Variants in IPPK observed in about 807,000 individuals in gnomAD.
IPPK encodes IPK1 homolog.
IPPK carries 22 observed loss-of-function variants against 64.6 expected under a neutral mutation model. That is an observed-to-expected ratio of 0.34 (90% confidence interval 0.24 to 0.49). The LOEUF (loss-of-function observed/expected upper bound fraction) is 0.49. IPPK is among the 20% of genes least tolerant of loss of function. The pLI, the probability that IPPK is intolerant of heterozygous loss-of-function variation, is 0.99. For synonymous variants in IPPK, 262 were observed against 247.2 expected, an observed-to-expected ratio of 1.06 and a Z score of -0.56; for missense variants, 532 against 630.7, an observed-to-expected ratio of 0.84 and a Z score of 1.68.
At chr9:92,652,138 A>C (rs1408730273) in intron 4 of IPPK, among the ~76,000 whole-genome samples, 1 of 152,074 alleles carries the variant, frequency 6.6e-6, no homozygotes, top group African/African-American at 2.4e-5. Flanking sequence ...CCTGATAATG[A>C]AGTTTCTGGC....
chr9:92,635,051 A>G lies in IPPK; in HGVS notation c.1067+107T>C. The G allele has an allele frequency of 8.8e-7, 1 of 1,135,028 alleles. No homozygotes were observed. The highest frequency in any genetic ancestry group is 1.7e-5 in the South Asian group (1 of 59,458). 70.3% of individuals were successfully genotyped at this position (1,135,028 alleles called of 1,614,324 possible). A position where few individuals can be genotyped will look rare whatever the true frequency, so the allele number is the denominator to read the frequency against. On this transcript the variant is annotated intron_variant, in intron 10 of 12. Coordinates refer to ENST00000287996, the MANE Select transcript of IPPK (RefSeq NM_022755.6). This position sits in a 1 kb window ranked among gnomAD's most constrained non-coding sequence, Gnocchi z 4.4. ...AGGACTGGGGTAGGAAGTGGCCGGC[A>G]TGCTTCATCCTCCTGGGAAGCTGTG...
intron 3 of IPPK, among the ~76,000 whole-genome samples, chr9:92,653,391 C>T (rs1852306366): frequency 6.6e-6 from 1 of 152,138 alleles, no homozygotes; most frequent in Admixed American, 6.5e-5. Context: ...CCATGCCCCT[C>T]CACCACCACC....
chr9:92,660,568 G>T (rs191802845), intron 1 of IPPK, among the ~76,000 whole-genome samples: 1 of 152,352 alleles, frequency 6.6e-6, no homozygotes, highest in East Asian at 1.9e-4. Context: ...TGATCAGGGT[G>T]ATGCCAGGCC....
chr9:92,637,488 G>A (rs909728756), intron 9 of IPPK, among the ~76,000 whole-genome samples: 3 of 152,164 alleles, frequency 2.0e-5, no homozygotes, highest in Non-Finnish European at 4.4e-5. Flanking sequence ...CAGGACATGT[G>A]GCAGCGGCCA....
chr9:92,627,395 C>T (rs541842155), intron 11 of IPPK, among the ~76,000 whole-genome samples: 1 of 152,254 alleles, frequency 6.6e-6, no homozygotes, highest in South Asian at 2.1e-4. Flanking sequence ...AAAACAAAGA[C>T]ATCACAAGAA....
rs552561636 is a variant in IPPK at position 92,622,651 on chromosome 9, CA to C, written c.1171-3087del. On this transcript the variant is annotated intron_variant, in intron 11 of 12. Coordinates refer to ENST00000287996, the MANE Select transcript of IPPK (RefSeq NM_022755.6). ...GTTTAAATGTCCATGTTGGAAGACT[CA>C]GTATTGTATAGATTTCAACACTCAT... Among the ~76,000 whole-genome samples the C allele has an allele frequency of 1.1e-3, 168 of 152,078 alleles. 2 individuals are homozygous for C. The highest frequency in any genetic ancestry group is 3.9e-3 in the African/African-American group (160 of 41,512).
chr9:92,650,840 A>T (rs1262941349), intron 4 of IPPK, among the ~76,000 whole-genome samples: 1 of 152,006 alleles, frequency 6.6e-6, no homozygotes, highest in Non-Finnish European at 1.5e-5. Context: ...CCAGTGCACC[A>T]ATATTTCCCC....
chr9:92,616,282 C>T (rs1851431500), intron 12 of IPPK: 3 of 485,230 alleles, frequency 6.2e-6, no homozygotes. Context: ...CGTGTGACAG[C>T]TGTCTGTGCC....
intron 9 of IPPK, 42 bp downstream of exon 9, chr9:92,637,942 TGCAGAGTCCCAAGGCCC>T (rs1851973835): frequency 2.1e-6 from 3 of 1,444,152 alleles, no homozygotes; most frequent in Middle Eastern, 2.5e-4. Flanking sequence ...CCATGGGGAC[TGCAGAGTCCCAAGGCCC>T]CTGCGGCCCC....
chr9:92,640,915 G>A (rs1188202485), intron 7 of IPPK, 133 bp from the exon 8 acceptor site: 1 of 696,758 alleles, frequency 1.4e-6, no homozygotes, highest in Admixed American at 2.0e-5. Context: ...GTCCAACTAG[G>A]TCCAAACAGT....
chr9:92,615,582 G>A lies in IPPK; in HGVS notation c.*250C>T, dbSNP rs1316645458. The A allele has an allele frequency of 2.1e-6, 1 of 475,160 alleles. No homozygotes were observed. The highest frequency in any genetic ancestry group is 3.8e-6 in the Non-Finnish European group (1 of 260,998). The allele number at this position is 475,160 out of a possible 1,614,324, so 29.4% of individuals were successfully genotyped here. ...AGAACTATCCAGAACGTCTTCCCAG[G>A]GCTTAACGGACACTTCCATTTTAAG... On this transcript the variant is annotated 3_prime_UTR_variant, in exon 13 of 13. Transcript: ENST00000287996.
intron 8 of IPPK, among the ~76,000 whole-genome samples, chr9:92,638,861 T>G (rs115843588): frequency 1.4e-4 from 22 of 152,106 alleles, no homozygotes; most frequent in African/African-American, 5.3e-4. Flanking sequence ...GCAAAGAAAC[T>G]CCTTACAACA....
At chr9:92,644,458 A>C (rs1358308421) in intron 6 of IPPK, among the ~76,000 whole-genome samples, 1 of 152,104 alleles carries the variant, frequency 6.6e-6, no homozygotes, top group Non-Finnish European at 1.5e-5. Context: ...TTCTCAGACA[A>C]TCACTTATTT....
intron 11 of IPPK, among the ~76,000 whole-genome samples, chr9:92,629,836 A>C (rs1851803591): frequency 6.6e-6 from 1 of 152,222 alleles, no homozygotes; most frequent in African/African-American, 2.4e-5. Context: ...AAACTACAAG[A>C]TACCACTGCA....
chr9:92,666,246 A>G (rs1395459635), intron 1 of IPPK, among the ~76,000 whole-genome samples: 4 of 152,172 alleles, frequency 2.6e-5, no homozygotes, highest in Admixed American at 6.5e-5. Flanking sequence ...AGTGCCCCAG[A>G]CAAGTGCATG....
intron 11 of IPPK, among the ~76,000 whole-genome samples, chr9:92,627,604 CAT>C (rs1160585519): frequency 6.6e-6 from 1 of 152,180 alleles, no homozygotes; most frequent in Non-Finnish European, 1.5e-5. Flanking sequence ...ACAAAAACCA[CAT>C]GATAATCTCA....
chr9:92,626,498 A>G (rs530003468), intron 11 of IPPK, among the ~76,000 whole-genome samples: 1 of 152,370 alleles, frequency 6.6e-6, no homozygotes, highest in South Asian at 2.1e-4. Flanking sequence ...ATAGAGCTGA[A>G]AAAAGAAAAG....
At chr9:92,630,440 T>G (rs997928238) in intron 11 of IPPK, among the ~76,000 whole-genome samples, 1 of 152,070 alleles carries the variant, frequency 6.6e-6, no homozygotes, top group Admixed American at 6.5e-5. Context: ...GTGATGAAAA[T>G]CTAAAATCAA....
intron 11 of IPPK, chr9:92,619,790 C>T: frequency 1.8e-6 from 1 of 557,258 alleles, no homozygotes; most frequent in Non-Finnish European, 3.2e-6. Flanking sequence ...CAGCACCGCC[C>T]CCTGACCTCT....
Sources: gnomAD v4.1 joint callset for allele counts (sites outside exome capture counted in the v4.1 genomes callset) on GRCh38, gnomAD v4.1.1 for gene constraint, Gnocchi (gnomAD v3.1) non-coding constraint, MANE v1.5 for transcripts, NCBI Gene and HGNC (gene_info 2026-07-23, HGNC 2026-07-21) for gene names.